FHL5: variants seen among roughly 807,000 people sequenced by gnomAD.
FHL5 encodes four and a half LIM domains protein 5.
Under a neutral mutation model 32.0 loss-of-function variants are expected in FHL5, and 33 were observed. That is an observed-to-expected ratio of 1.03 (90% CI 0.78 to 1.38). The LOEUF (loss-of-function observed/expected upper bound fraction) is 1.38, where lower values mean the gene tolerates loss of function less well. FHL5 is among the 40% of genes most tolerant of loss of function. The pLI is 0.00. For synonymous variants in FHL5, 114 were observed against 113.6 expected (o/e 1.00, Z -0.02); for missense variants, 336 against 343.9 (o/e 0.98, Z 0.18).
intron 1 of FHL5, among the ~76,000 whole-genome samples, chr6:96,589,561 ACTT>A (rs1280063934): frequency 6.6e-6 from 1 of 151,726 alleles, no homozygotes; most frequent in Non-Finnish European, 1.5e-5. Context: ...GATTCGTAGG[ACTT>A]CTTCACATGT....
chr6:96,580,030 C>T (rs897405786), intron 1 of FHL5, among the ~76,000 whole-genome samples: 1 of 152,172 alleles, frequency 6.6e-6, no homozygotes, highest in South Asian at 2.1e-4. Context: ...TACTTGTATC[C>T]TTCAACTTGG....
chr6:96,586,393 T>C (rs1770797820), intron 1 of FHL5, among the ~76,000 whole-genome samples: 1 of 152,218 alleles, frequency 6.6e-6, no homozygotes, highest in African/African-American at 2.4e-5. Flanking sequence ...TAATTTGTTA[T>C]AACATGTCTG....
Position 96,604,828 on chromosome 6 carries a change from C to A in FHL5, c.238C>A (p.Pro80Thr), listed in dbSNP as rs750274365. Reference protein sequence around the residue: ...TKCNHSLVEKPFAAKDERLLC... With the variant: ...TKCNHSLVEKTFAAKDERLLC... ...ATGCAATCACTCTTTGGTGGAAAAG[C>A]CTTTTGCTGCCAAGGATGAGCGCCT... Residue 80 changes from proline to threonine, a missense_variant, in exon 3 of 6, where the codon CCT becomes ACT. Pro to Thr is a conservative substitution (Grantham distance 38). Transcript: ENST00000450218. 1.2e-5 allele frequency: 20 copies of A among 1,613,840 alleles called. No homozygotes were observed. The highest frequency in any genetic ancestry group is 1.7e-5 in the Admixed American group (1 of 59,986).
chr6:96,610,887 A>C (rs1051567494), intron 5 of FHL5, 129 bp downstream of exon 5: 2 of 658,262 alleles, frequency 3.0e-6, no homozygotes, highest in Non-Finnish European at 5.2e-6. Flanking sequence ...TGAGATAAAC[A>C]CAAGTGGGTG....
At chr6:96,564,750 G>T (rs1009960955) in intron 1 of FHL5, among the ~76,000 whole-genome samples, 1 of 152,082 alleles carries the variant, frequency 6.6e-6, no homozygotes, top group Non-Finnish European at 1.5e-5. Context: ...ACTTGGGTTC[G>T]CATGGGAAGC....
chr6:96,605,706 T>C (rs1372602932), intron 3 of FHL5, among the ~76,000 whole-genome samples, 196 bp from the exon 4 acceptor site: 2 of 152,056 alleles, frequency 1.3e-5, no homozygotes, highest in Admixed American at 6.5e-5. Flanking sequence ...TCCATCATCA[T>C]GGCTAAACTT....
chr6:96,568,932 T>C (rs1770417840), intron 1 of FHL5, among the ~76,000 whole-genome samples: 1 of 151,896 alleles, frequency 6.6e-6, no homozygotes, highest in Non-Finnish European at 1.5e-5. Context: ...TGATATTTTG[T>C]ATTTTTTAGT....
intron 1 of FHL5, among the ~76,000 whole-genome samples, chr6:96,572,707 A>T (rs1770504717): frequency 6.6e-6 from 1 of 152,138 alleles, no homozygotes; most frequent in South Asian, 2.1e-4. Context: ...GCCTAAGAAG[A>T]CTGCAGAGAA....
At position 96,604,821 on chromosome 6, in the gene FHL5, G is replaced by A; in HGVS notation, c.231G>A (p.Val77=). 1 of 1,614,014 alleles carries A rather than the reference G, an allele frequency of 6.2e-7. No individual in the cohort carries two copies. The highest frequency in any genetic ancestry group is 1.7e-5 in the Admixed American group (1 of 60,020). The part of the protein sequence containing the change: ...FKCTKCNHSL[V]EKPFAAKDER... ...GCACCAAATGCAATCACTCTTTGGT[G>A]GAAAAGCCTTTTGCTGCCAAGGATG... The change falls in exon 3 of 6, where the codon GTG becomes GTA. Residue 77 remains valine (V), a synonymous_variant. Transcript: ENST00000450218.
intron 1 of FHL5, among the ~76,000 whole-genome samples, chr6:96,573,671 G>A (rs1325803820): frequency 6.6e-6 from 1 of 150,628 alleles, no homozygotes; most frequent in East Asian, 2.0e-4. Flanking sequence ...ACAGGTGCCC[G>A]CCAACACGCC....
At chr6:96,574,835 A>G (rs1770552825) in intron 1 of FHL5, among the ~76,000 whole-genome samples, 1 of 152,190 alleles carries the variant, frequency 6.6e-6, no homozygotes, top group African/African-American at 2.4e-5. Flanking sequence ...TTCACTTATA[A>G]TATTCTTCAC....
chr6:96,571,518 G>T (rs538625185), intron 1 of FHL5, among the ~76,000 whole-genome samples: 1 of 152,258 alleles, frequency 6.6e-6, no homozygotes, highest in South Asian at 2.1e-4. Flanking sequence ...GGAGTTTTCA[G>T]CTCAGTATCT....
chr6:96,610,902 T>C (rs191924725), intron 5 of FHL5, 144 bp downstream of exon 5: 9 of 613,956 alleles, frequency 1.5e-5, no homozygotes, highest in Non-Finnish European at 2.6e-5. Context: ...TGGGTGCATA[T>C]ATATGAGTAT....
At chr6:96,564,187 G>A (rs927103203) in intron 1 of FHL5, among the ~76,000 whole-genome samples, 2 of 152,062 alleles carry the variant, frequency 1.3e-5, no homozygotes, top group Admixed American at 6.6e-5. Flanking sequence ...TACATAAAAT[G>A]TAAGGAAATC....
chr6:96,603,751 A>T lies in FHL5; in HGVS notation c.138A>T (p.Lys46Asn). The T allele has an allele frequency of 2.5e-6, 4 of 1,610,116 alleles. No homozygotes were observed. In the South Asian group the frequency reaches 3.3e-5, roughly 13 times the overall value. Residue 46 changes from lysine to asparagine, a missense_variant, in exon 2 of 6, where the codon AAA becomes AAT. Lys to Asn is a moderately conservative substitution (Grantham distance 94). Coordinates refer to ENST00000450218, the MANE Select transcript of FHL5 (RefSeq NM_001322466.2). ...CTAACTATTGCGAGGAATGCAAAAAACCAATTGAATCTGATTCTAAGGTAA... is the reference window on the plus strand; with the variant it reads ...CTAACTATTGCGAGGAATGCAAAAATCCAATTGAATCTGATTCTAAGGTAA... The part of the protein sequence containing the change: ...VFSNYCEECK[K>N]PIESDSKDLC...
intron 1 of FHL5, among the ~76,000 whole-genome samples, chr6:96,594,957 A>G (rs1771005572): frequency 6.6e-6 from 1 of 151,968 alleles, no homozygotes; most frequent in African/African-American, 2.4e-5. Flanking sequence ...GTACATTAGT[A>G]TTATTATGTG....
intron 1 of FHL5, among the ~76,000 whole-genome samples, chr6:96,565,258 A>C (rs914818887): frequency 1.1e-4 from 17 of 152,126 alleles, no homozygotes; most frequent in Non-Finnish European, 2.2e-4. Flanking sequence ...AGCAAGGTTT[A>C]CATTCATTAA....
intron 1 of FHL5, among the ~76,000 whole-genome samples, chr6:96,573,469 A>G (rs1770522107): frequency 6.6e-6 from 1 of 151,716 alleles, no homozygotes; most frequent in Non-Finnish European, 1.5e-5. Flanking sequence ...AATTACATTC[A>G]GTCTATTCAT....
At chr6:96,585,613 T>C (rs1179011113) in intron 1 of FHL5, among the ~76,000 whole-genome samples, 2 of 152,280 alleles carry the variant, frequency 1.3e-5, no homozygotes, top group Non-Finnish European at 2.9e-5. Flanking sequence ...CATATCAATG[T>C]GATTATTTTA....
Sources: gnomAD v4.1 joint callset for allele counts (sites outside exome capture counted in the v4.1 genomes callset) on GRCh38, gnomAD v4.1.1 for gene constraint, MANE v1.5 for transcripts, NCBI Gene and HGNC (gene_info 2026-07-23, HGNC 2026-07-21) for gene names.